The following OSBP2 variants were observed in gnomAD, a reference collection of about 807,000 sequenced individuals.
OSBP2 encodes oxysterol binding protein 2.
Under a neutral mutation model 96.0 loss-of-function variants are expected in OSBP2, and 66 were observed. The ratio of observed to expected loss-of-function variants is 0.69; its 90% CI spans 0.56 to 0.84. The LOEUF (loss-of-function observed/expected upper bound fraction) is 0.84, where lower values mean the gene tolerates loss of function less well. Among genes scored for constraint, OSBP2 ranks in the 40% least tolerant of loss-of-function variants. OSBP2 has a pLI of 0.00. For synonymous variants in OSBP2, 525 were observed against 520.9 expected, an observed-to-expected ratio of 1.01 and a Z score of -0.11; for missense variants, 1,038 against 1,222.7, an observed-to-expected ratio of 0.85 and a Z score of 2.25.
intron 2 of OSBP2, among the ~76,000 whole-genome samples, chr22:30,794,885 G>A (rs1319228699): frequency 6.7e-6 from 1 of 149,088 alleles, no homozygotes; most frequent in Admixed American, 6.7e-5. Flanking sequence ...AATTGTTATT[G>A]TTTTAAGCAA....
At chr22:30,884,204 G>A (rs1569164814) in intron 3 of OSBP2, among the ~76,000 whole-genome samples, 1 of 152,200 alleles carries the variant, frequency 6.6e-6, no homozygotes, top group Admixed American at 6.5e-5. Flanking sequence ...GAGATAAGGA[G>A]GTTTCTTTCT....
chr22:30,706,583 C>G (rs11912793), intron 1 of OSBP2, among the ~76,000 whole-genome samples: 10,030 of 152,174 alleles, frequency 0.066, 1,115 homozygotes, highest in African/African-American at 0.23. Context: ...GTGCCGCCTT[C>G]CTAATACAGT....
intron 1 of OSBP2, among the ~76,000 whole-genome samples, chr22:30,706,578 G>A (rs192286574): frequency 6.6e-5 from 10 of 152,202 alleles, no homozygotes; most frequent in Admixed American, 5.9e-4. Flanking sequence ...AGGAGGTGCC[G>A]CCTTCCTAAT....
At position 30,906,184 on chromosome 22, in the gene OSBP2, G is replaced by GC; in HGVS notation, c.2609-11dup. On this transcript the variant is annotated splice_polypyrimidine_tract_variant and intron_variant, in intron 13 of 13. Transcript: ENST00000332585. ...ACAAGCCCACCCACCAGCCCACTGT[G>GC]CCTGCCCAGCAGAGAAGGAGGCGGA... is the stretch of plus-strand genomic sequence containing the variant. 6.2e-7 allele frequency: 1 copy of GC among 1,613,894 alleles called. No individual in the cohort carries two copies. Among genetic ancestry groups the GC allele is most frequent in the Non-Finnish European group, 8.5e-7 (1 of 1,180,004 alleles).
intron 1 of OSBP2, among the ~76,000 whole-genome samples, chr22:30,714,287 A>G (rs1035821873): frequency 6.6e-6 from 1 of 152,050 alleles, no homozygotes; most frequent in Admixed American, 6.6e-5. Context: ...TATATACCAC[A>G]TTTTCTTTAT....
intron 2 of OSBP2, among the ~76,000 whole-genome samples, chr22:30,867,913 T>C (rs1417905307): frequency 6.6e-6 from 1 of 152,182 alleles, no homozygotes; most frequent in African/African-American, 2.4e-5. Context: ...CCGGGGGCCA[T>C]TCTGATGGAC....
At chr22:30,694,813 C>A, upstream of OSBP2, 1 of 565,670 alleles carries the variant, frequency 1.8e-6, no homozygotes, top group Non-Finnish European at 2.2e-6. Context: ...CGCGCCCCCG[C>A]CTCGCGCCGC....
intron 2 of OSBP2, among the ~76,000 whole-genome samples, chr22:30,809,746 G>A (rs572367494): frequency 6.6e-6 from 1 of 152,328 alleles, no homozygotes; most frequent in African/African-American, 2.4e-5. Flanking sequence ...CATGGAAGAT[G>A]GATCTGAAGG....
chr22:30,734,368 A>G (rs966423299), intron 1 of OSBP2, among the ~76,000 whole-genome samples: 2 of 152,170 alleles, frequency 1.3e-5, no homozygotes, highest in African/African-American at 4.8e-5. Context: ...GTGAGACCAG[A>G]TGGTTCTGGA....
In OSBP2 at chr22:30,906,550, G is replaced by T; in HGVS notation, c.*211G>T. 1 of 526,104 alleles carries T rather than the reference G, an allele frequency of 1.9e-6. No homozygotes were observed. Among genetic ancestry groups the T allele is most frequent in the Non-Finnish European group, 3.2e-6 (1 of 317,180 alleles). 32.6% of individuals were successfully genotyped at this position (526,104 alleles called of 1,614,324 possible). A position where few individuals can be genotyped will look rare whatever the true frequency, so the allele number is the denominator to read the frequency against. Reference sequence around the variant, plus strand: ...TGGGTTCTCTCCAGCCCCCAGGTGCGCCGGGTCACCCGTGCCCCTTCATTA... The same window carrying T: ...TGGGTTCTCTCCAGCCCCCAGGTGCTCCGGGTCACCCGTGCCCCTTCATTA... On this transcript the variant is annotated 3_prime_UTR_variant, in exon 14 of 14. Coordinates refer to ENST00000332585, the MANE Select transcript of OSBP2 (RefSeq NM_030758.4).
chr22:30,743,138 C>G (rs7287698), intron 2 of OSBP2, among the ~76,000 whole-genome samples: 7,545 of 152,304 alleles, frequency 0.05, 634 homozygotes, highest in African/African-American at 0.17. Flanking sequence ...GAAGGGGGCA[C>G]AGCCCCTGCT....
chr22:30,721,228 AAAACC>A (rs779782578), intron 1 of OSBP2, among the ~76,000 whole-genome samples: 2 of 152,160 alleles, frequency 1.3e-5, no homozygotes, highest in African/African-American at 4.8e-5. Context: ...TCCATCTAAA[AAAACC>A]AAACCAAACC....
Position 30,906,464 on chromosome 22 carries a change from ATTT to A in OSBP2, c.*133_*135del. 2.8e-6 allele frequency: 3 copies of A among 1,083,896 alleles called. No homozygotes were observed. The highest frequency in any genetic ancestry group is 1.2e-6 in the Non-Finnish European group (1 of 821,942). The allele number at this position is 1,083,896 out of a possible 1,614,324, so 67.1% of individuals were successfully genotyped here. A position where few individuals can be genotyped will look rare whatever the true frequency, so the allele number is the denominator to read the frequency against. ...CCCAGCCCTTCCTATTTCCTTTCCT[ATTT>A]TTTTTTTCTCCCCACACTTTCTTGG... is the stretch of plus-strand genomic sequence containing the variant. On this transcript the variant is annotated 3_prime_UTR_variant, in exon 14 of 14. Coordinates refer to ENST00000332585, the MANE Select transcript of OSBP2 (RefSeq NM_030758.4).
intron 2 of OSBP2, among the ~76,000 whole-genome samples, chr22:30,818,872 CA>C (rs1329364584): frequency 5.3e-5 from 8 of 152,136 alleles, no homozygotes; most frequent in Non-Finnish European, 1.5e-5. Context: ...ACAGAGCAAC[CA>C]GTTTGATGTG....
chr22:30,725,241 A>G (rs1332357287), intron 1 of OSBP2, among the ~76,000 whole-genome samples: 2 of 151,716 alleles, frequency 1.3e-5, no homozygotes, highest in Admixed American at 1.3e-4. Flanking sequence ...GCAGTGGCTC[A>G]GGCCTGTAAT....
At chr22:30,886,632 C>G (rs2039816424) in intron 3 of OSBP2, among the ~76,000 whole-genome samples, 1 of 152,168 alleles carries the variant, frequency 6.6e-6, no homozygotes, top group Non-Finnish European at 1.5e-5. Flanking sequence ...GGATGAAATA[C>G]TTTTTCTTCC....
In OSBP2 at chr22:30,717,093, TGTGTGTGTGTGTGTG is replaced by T. The variant is rs1569094611; in HGVS notation, c.644+21541_644+21555del. Among the ~76,000 whole-genome samples, 137 of 107,836 alleles carry T rather than the reference TGTGTGTGTGTGTGTG, an allele frequency of 1.3e-3. 2 individuals carry two copies. Among genetic ancestry groups the T allele is most frequent in the Middle Eastern group, 8.8e-3 (2 of 226 alleles). The allele number at this position is 107,836 out of a possible 152,430, so 70.7% of individuals were successfully genotyped here. On this transcript the variant is annotated intron_variant, in intron 1 of 13. Transcript: ENST00000332585. ...TTTTGTTTTAATTTTACTGTTTTTG[TGTGTGTGTGTGTGTG>T]TGTGTGTGTGTGTGTGTGTGTGTGT... is the stretch of plus-strand genomic sequence containing the variant.
intron 2 of OSBP2, among the ~76,000 whole-genome samples, chr22:30,775,861 TCTCTG>T (rs2090427454): frequency 6.6e-6 from 1 of 151,840 alleles, no homozygotes; most frequent in East Asian, 1.9e-4. Context: ...AGTGGCGCCA[TCTCTG>T]CTCATTGCAA....
At chr22:30,878,009 G>A (rs374027738) in intron 3 of OSBP2, among the ~76,000 whole-genome samples, 2 of 152,372 alleles carry the variant, frequency 1.3e-5, no homozygotes, top group African/African-American at 4.8e-5. Context: ...GAGCCAGTGA[G>A]GTGGGATGGG....
Sources: allele counts gnomAD v4.1 joint callset (sites outside exome capture counted in the v4.1 genomes callset), GRCh38; gene constraint gnomAD v4.1.1; transcripts MANE v1.5; gene names NCBI Gene and HGNC (gene_info 2026-07-23, HGNC 2026-07-21).